Variants in GPHN observed in about 807,000 individuals in gnomAD.
The protein encoded by GPHN is gephyrin.
A neutral mutation model predicts 95.5 loss-of-function variants in GPHN; 17 were observed. That is an observed-to-expected ratio of 0.18 (90% CI 0.12 to 0.27). GPHN has a LOEUF of 0.27. Among genes scored for constraint, GPHN ranks in the 10% least tolerant of loss-of-function variants. The pLI is 1.00. For missense variants in GPHN, 660 were observed against 978.1 expected, an observed-to-expected ratio of 0.67 and a Z score of 4.34; for synonymous variants, 320 against 322.5, an observed-to-expected ratio of 0.99 and a Z score of 0.08.
chr14:67,349,134 C>T, the GPHN span: 69 of 1,600,414 alleles, frequency 4.3e-5, no homozygotes, highest in African/African-American at 9.0e-4. Flanking sequence ...CTTTATTTAG[C>T]AGACTCTTCA....
At chr14:66,542,580 C>T (rs1395815631) in intron 1 of GPHN, among the ~76,000 whole-genome samples, 1 of 152,152 alleles carries the variant, frequency 6.6e-6, no homozygotes, top group Non-Finnish European at 1.5e-5. Context: ...TTCTTAGGGA[C>T]ATTGCTCCAG....
chr14:67,218,731 C>G, the GPHN span, among the ~76,000 whole-genome samples: 2 of 151,928 alleles, frequency 1.3e-5, no homozygotes, highest in Non-Finnish European at 1.5e-5. Context: ...CAGCACATAG[C>G]CATTCTGCTT....
At chr14:67,688,062 C>T in the GPHN span, among the ~76,000 whole-genome samples, 3 of 151,950 alleles carry the variant, frequency 2.0e-5, no homozygotes, top group Admixed American at 6.6e-5. Flanking sequence ...TGTGAGCCAC[C>T]GCGCCCGGCC....
intron 1 of GPHN, among the ~76,000 whole-genome samples, chr14:66,615,465 G>A (rs8012606): frequency 0.31 from 45,780 of 147,540 alleles, 10,824 homozygotes; most frequent in African/African-American, 0.64. Flanking sequence ...ATGGTCAGTG[G>A]TGTTGAGCTT....
the GPHN span, among the ~76,000 whole-genome samples, chr14:67,482,256 G>A: frequency 2.6e-5 from 4 of 152,166 alleles, no homozygotes; most frequent in African/African-American, 9.7e-5. Flanking sequence ...GGGTGGCAGG[G>A]GACATGGCCA....
chr14:67,732,870 C>T, the GPHN span, among the ~76,000 whole-genome samples: 2 of 152,206 alleles, frequency 1.3e-5, no homozygotes, highest in South Asian at 2.1e-4. Context: ...TGTGAGCCAC[C>T]GTGCCCAGCC....
At chr14:66,719,428 T>G (rs2153426750) in intron 2 of GPHN, among the ~76,000 whole-genome samples, 1 of 152,296 alleles carries the variant, frequency 6.6e-6, no homozygotes, top group East Asian at 1.9e-4. Flanking sequence ...GGATGTGTGT[T>G]CGGGGGCTGA....
chr14:66,882,559 A>G (rs1324992534), intron 5 of GPHN, among the ~76,000 whole-genome samples: 1 of 151,944 alleles, frequency 6.6e-6, no homozygotes, highest in Middle Eastern at 3.4e-3. Flanking sequence ...CTTGTGTTCT[A>G]TGTTAATGTC....
At chr14:67,706,029 G>A in the GPHN span, 3 of 152,184 alleles carry the variant, frequency 2.0e-5, no homozygotes, top group South Asian at 2.1e-4. Context: ...TAGCCTAGAC[G>A]TTCTGGGCTT....
At chr14:67,124,855 G>A (rs1042655195) in intron 17 of GPHN, among the ~76,000 whole-genome samples, 2 of 151,360 alleles carry the variant, frequency 1.3e-5, no homozygotes, top group African/African-American at 4.9e-5. Flanking sequence ...TGTATATACT[G>A]CCATTATCTT....
At chr14:67,319,740 G>A in the GPHN span, among the ~76,000 whole-genome samples, 2 of 152,188 alleles carry the variant, frequency 1.3e-5, no homozygotes, top group Admixed American at 6.5e-5. Flanking sequence ...GGACGAGCTT[G>A]AACTATAGGA....
chr14:66,788,806 G>A (rs1010674360), intron 3 of GPHN, among the ~76,000 whole-genome samples: 5 of 152,132 alleles, frequency 3.3e-5, no homozygotes, highest in Admixed American at 6.5e-5. Context: ...ACAGGCGCCC[G>A]CCACCAGGCC....
the GPHN span, among the ~76,000 whole-genome samples, chr14:67,415,615 G>A: frequency 2.2e-3 from 338 of 152,218 alleles, 2 homozygotes; most frequent in African/African-American, 7.7e-3. Context: ...CTGCGTCTAC[G>A]CCAGCATTCA....
At chr14:66,714,169 A>G (rs987326242) in intron 2 of GPHN, among the ~76,000 whole-genome samples, 1 of 152,174 alleles carries the variant, frequency 6.6e-6, no homozygotes, top group Non-Finnish European at 1.5e-5. Context: ...GATTTTGTTC[A>G]GCAGTGTTTT....
At chr14:67,238,934 T>A in the GPHN span, among the ~76,000 whole-genome samples, 2 of 152,164 alleles carry the variant, frequency 1.3e-5, no homozygotes, top group Admixed American at 6.5e-5. Context: ...TAAGCCACCA[T>A]GCCAGGCCAT....
At chr14:67,080,609 C>A (rs775594052) in intron 11 of GPHN, among the ~76,000 whole-genome samples, 10 of 151,760 alleles carry the variant, frequency 6.6e-5, no homozygotes, top group East Asian at 3.9e-4. Context: ...CTGTCTTCTT[C>A]TTATTATTAA....
intron 5 of GPHN, among the ~76,000 whole-genome samples, chr14:66,892,931 T>G (rs1239002002): frequency 6.6e-6 from 1 of 152,170 alleles, no homozygotes; most frequent in African/African-American, 2.4e-5. Context: ...TTTATAGCTA[T>G]AGGACAGGAA....
chr14:66,510,592 G>A (rs1723098759), intron 1 of GPHN, among the ~76,000 whole-genome samples: 1 of 152,130 alleles, frequency 6.6e-6, no homozygotes, highest in Admixed American at 6.5e-5. Flanking sequence ...TATGAGTTTG[G>A]GGTTAACTGC....
At chr14:66,596,401 T>C (rs923095433) in intron 1 of GPHN, among the ~76,000 whole-genome samples, 1 of 152,078 alleles carries the variant, frequency 6.6e-6, no homozygotes, top group African/African-American at 2.4e-5. Flanking sequence ...CCTGCTGCCA[T>C]TAACCTGCCA....
Sources: gnomAD v4.1 joint callset for allele counts (sites outside exome capture counted in the v4.1 genomes callset) on GRCh38, gnomAD v4.1.1 for gene constraint, MANE v1.5 for transcripts, NCBI Gene and HGNC (gene_info 2026-07-23, HGNC 2026-07-21) for gene names.